The following STRBP variants were observed in gnomAD, a reference collection of about 807,000 sequenced individuals.
STRBP encodes spermatid perinuclear RNA-binding protein.
A neutral mutation model predicts 80.1 loss-of-function variants in STRBP; 13 were observed. The observed-to-expected ratio is 0.16, with a 90% confidence interval of 0.11 to 0.26. The LOEUF is 0.26. Ranked by LOEUF, STRBP falls within the 10% of genes least tolerant of loss-of-function variation. The pLI is 1.00. For synonymous variants in STRBP, 284 were observed against 291.2 expected, an observed-to-expected ratio of 0.98 and a Z score of 0.25; for missense variants, 485 against 815.2, an observed-to-expected ratio of 0.59 and a Z score of 4.93.
At chr9:123,195,471 A>G (rs150072179) in intron 2 of STRBP, among the ~76,000 whole-genome samples, 2,304 of 152,142 alleles carry the variant, frequency 0.015, 28 homozygotes, top group Non-Finnish European at 0.023. Context: ...CAAAAAAACT[A>G]TTAGAACTGA....
At chr9:123,174,558 C>T (rs2038138682) in intron 4 of STRBP, among the ~76,000 whole-genome samples, 1 of 152,230 alleles carries the variant, frequency 6.6e-6, no homozygotes, top group African/African-American at 2.4e-5. Flanking sequence ...CTGGATTCTA[C>T]TCGTAGTGCC....
At chr9:123,166,809 G>A (rs962590965) in intron 6 of STRBP, among the ~76,000 whole-genome samples, 5 of 151,966 alleles carry the variant, frequency 3.3e-5, no homozygotes, top group Admixed American at 6.6e-5. Flanking sequence ...CAAGCCAAAC[G>A]AAAGACTGCT....
chr9:123,162,841 AATT>A (rs1262361484), intron 6 of STRBP, among the ~76,000 whole-genome samples: 5 of 152,232 alleles, frequency 3.3e-5, no homozygotes, highest in Non-Finnish European at 5.9e-5. Flanking sequence ...GATATAGCTC[AATT>A]TTGTCTTTAT....
intron 18 of STRBP, among the ~76,000 whole-genome samples, chr9:123,127,916 T>C (rs1288571898): frequency 1.3e-5 from 2 of 152,238 alleles, no homozygotes; most frequent in East Asian, 1.9e-4. Flanking sequence ...TCAGTAGCCT[T>C]TGAATGGAGT....
chr9:123,190,645 G>A (rs768138305), intron 2 of STRBP, among the ~76,000 whole-genome samples: 9 of 152,190 alleles, frequency 5.9e-5, no homozygotes, highest in Non-Finnish European at 1.0e-4. Flanking sequence ...GGCAGAGGCC[G>A]AAAGGTCTTT....
intron 1 of STRBP, among the ~76,000 whole-genome samples, chr9:123,261,630 G>A (rs996957329): frequency 1.3e-5 from 2 of 152,178 alleles, no homozygotes; most frequent in Non-Finnish European, 2.9e-5. Flanking sequence ...TTATTTTTAA[G>A]ATACCGTATT....
chr9:123,116,751 A>G (rs765557092), downstream of STRBP, among the ~76,000 whole-genome samples: 1 of 152,108 alleles, frequency 6.6e-6, no homozygotes, highest in Non-Finnish European at 1.5e-5. Context: ...AGCGACGCAA[A>G]CCACCTGCAC....
At chr9:123,113,380 A>C (rs952751366) in intron 3 of STRBP, 1 of 167,218 alleles carries the variant, frequency 6.0e-6, no homozygotes, top group African/African-American at 2.4e-5. Flanking sequence ...CTCATCCGTT[A>C]TCTGGTCCTG....
chr9:123,161,103 A>C (rs772383267), intron 6 of STRBP, 35 bp from the exon 7 acceptor site: 16 of 1,455,986 alleles, frequency 1.1e-5, no homozygotes, highest in Non-Finnish European at 1.5e-5. Context: ...AGACAAATAC[A>C]ATTTGACCAA....
At chr9:123,141,140 C>T (rs2132334756) in intron 13 of STRBP, among the ~76,000 whole-genome samples, 1 of 152,208 alleles carries the variant, frequency 6.6e-6, no homozygotes, top group African/African-American at 2.4e-5. Context: ...GTTATGGTGG[C>T]CACACAAATG....
intron 11 of STRBP, among the ~76,000 whole-genome samples, chr9:123,148,296 G>A (rs2036906539): frequency 6.6e-6 from 1 of 152,138 alleles, no homozygotes; most frequent in Admixed American, 6.5e-5. Context: ...TCTGCCATGT[G>A]GGGATACATA....
intron 2 of STRBP, among the ~76,000 whole-genome samples, chr9:123,236,310 T>C (rs901169571): frequency 2.0e-5 from 3 of 152,216 alleles, no homozygotes; most frequent in African/African-American, 7.2e-5. Context: ...TCTATTTTTA[T>C]TTCCTATTTT....
chr9:123,182,161 G>C (rs950469670), intron 3 of STRBP, among the ~76,000 whole-genome samples: 1 of 142,128 alleles, frequency 7.0e-6, no homozygotes, highest in African/African-American at 2.5e-5. Flanking sequence ...GTTGCAGTGA[G>C]CTGAGATCGT....
At chr9:123,178,311 T>C (rs891629638) in intron 4 of STRBP, among the ~76,000 whole-genome samples, 1 of 152,220 alleles carries the variant, frequency 6.6e-6, no homozygotes, top group Non-Finnish European at 1.5e-5. Flanking sequence ...CTTTCAAAGT[T>C]AGACACTTAT....
At chr9:123,195,217 T>A (rs2039051885) in intron 2 of STRBP, among the ~76,000 whole-genome samples, 1 of 152,172 alleles carries the variant, frequency 6.6e-6, no homozygotes, top group Non-Finnish European at 1.5e-5. Flanking sequence ...CCTTTAATTG[T>A]TCATGCCAAA....
At chr9:123,152,393 T>TCA (rs924407545) in intron 11 of STRBP, among the ~76,000 whole-genome samples, 3 of 152,044 alleles carry the variant, frequency 2.0e-5, no homozygotes, top group Non-Finnish European at 4.4e-5. Context: ...AACCTAAATT[T>TCA]TATATATAAA....
chr9:123,114,826 T>G (rs987088713), intron 3 of STRBP: 5 of 240,312 alleles, frequency 2.1e-5, no homozygotes, highest in Non-Finnish European at 4.4e-5. Context: ...TATTGTTCCT[T>G]GGCCCAGGGT....
rs757133922 is a variant in STRBP, at chr9:123,225,766, T to G, written c.-165+11064A>C. Among the ~76,000 whole-genome samples, 28 of 152,324 alleles carry G rather than the reference T, an allele frequency of 1.8e-4. 1 individual carries two copies. The highest frequency in any genetic ancestry group is 3.8e-4 in the Non-Finnish European group (26 of 68,028). On this transcript the variant is annotated intron_variant, in intron 2 of 18. Coordinates refer to ENST00000348403, the MANE Select transcript of STRBP (RefSeq NM_018387.5). ...TTCTCCAGCCCTCCAAGAGATTCTG[T>G]GAGCCACCTAACACCCTGTTCATAA...
rs71390418 is a variant in STRBP at position 123,200,734 on chromosome 9, ATTTTTTTTTTTTT to A, written c.-164-16449_-164-16437del. Among the ~76,000 whole-genome samples the A allele has an allele frequency of 3.6e-3, 135 of 37,514 alleles. 2 individuals carry two copies. Among genetic ancestry groups the A allele is most frequent in the East Asian group, 0.02 (24 of 1,180 alleles). The allele number at this position is 37,514 out of a possible 152,430, so 24.6% of individuals were successfully genotyped here. On this transcript the variant is annotated intron_variant, in intron 2 of 18. Transcript: ENST00000348403. ...AGGCGCCCCGCCACACACCCCGCTA[ATTTTTTTTTTTTT>A]TTTTTTTTTTTTTTTAGTAGAGACC...
Sources: allele counts gnomAD v4.1 joint callset (sites outside exome capture counted in the v4.1 genomes callset), GRCh38; gene constraint gnomAD v4.1.1; transcripts MANE v1.5; gene names NCBI Gene and HGNC (gene_info 2026-07-23, HGNC 2026-07-21).